The following RORA variants were observed in gnomAD, a reference collection of about 807,000 sequenced individuals.
RORA encodes RAR related orphan receptor A.
A neutral mutation model predicts 69.5 loss-of-function variants in RORA; 7 were observed. The observed-to-expected ratio is 0.10, with a 90% CI of 0.06 to 0.19. RORA has a LOEUF of 0.19. RORA is among the 10% of genes least tolerant of loss of function. RORA has a pLI of 1.00. For synonymous variants in RORA, 261 were observed against 240.8 expected (o/e 1.08, Z -0.78); for missense variants, 457 against 663.0 (o/e 0.69, Z 3.41).
intron 1 of RORA, chr15:60,682,524 A>G (rs1318222275): frequency 6.6e-6 from 1 of 152,384 alleles, no homozygotes; most frequent in Non-Finnish European, 1.5e-5. Flanking sequence ...GGTACCCGTA[A>G]TCCCAGCTAC....
Position 60,500,011 on chromosome 15 carries a change from A to T in RORA, c.1295-7T>A. The T allele has an allele frequency of 1.9e-6, 3 of 1,573,390 alleles. No individual in the cohort carries two copies. The highest frequency in any genetic ancestry group is 2.6e-6 in the Non-Finnish European group (3 of 1,147,000). On this transcript the variant is annotated splice_region_variant and splice_polypyrimidine_tract_variant and intron_variant, in intron 9 of 10. Transcript: ENST00000335670. ...TCTTGCAGCCATGAGCGATCTAAGC[A>T]TAAAAAAATGATATTCTTTAGCATT... is the stretch of plus-strand genomic sequence containing the variant.
At chr15:60,556,804 C>G (rs2067374612) in intron 2 of RORA, 1 of 1,404,034 alleles carries the variant, frequency 7.1e-7, no homozygotes, top group Non-Finnish European at 1.0e-6. Context: ...TCCTAAAAGC[C>G]TTCGTAAATG....
At chr15:60,601,104 C>G (rs2068799140) in intron 2 of RORA, 1 of 152,136 alleles carries the variant, frequency 6.6e-6, no homozygotes, top group African/African-American at 2.4e-5. Flanking sequence ...TGCTGCAACT[C>G]TCAAAAATTG....
intron 1 of RORA, among the ~76,000 whole-genome samples, chr15:60,727,626 T>A (rs528633482): frequency 6.6e-6 from 1 of 152,236 alleles, no homozygotes; most frequent in South Asian, 2.1e-4. Context: ...GCAAAGCAAC[T>A]GGGACCAGTG....
chr15:61,106,859 G>C (rs2078954672), intron 1 of RORA, among the ~76,000 whole-genome samples: 1 of 152,214 alleles, frequency 6.6e-6, no homozygotes, highest in Non-Finnish European at 1.5e-5. Context: ...CCTACGAGCA[G>C]TTCAAAGTAG....
intron 7 of RORA, 148 bp downstream of exon 7, chr15:60,503,387 A>G: frequency 1.4e-6 from 1 of 701,318 alleles, no homozygotes; most frequent in South Asian, 2.1e-5. Flanking sequence ...AAAACCTTTG[A>G]AAAGAACTCC....
At chr15:60,562,982 C>A (rs764342907) in intron 2 of RORA, among the ~76,000 whole-genome samples, 28 of 152,118 alleles carry the variant, frequency 1.8e-4, no homozygotes, top group Non-Finnish European at 1.6e-4. Flanking sequence ...TCCGAGTGTA[C>A]AAGGCAACTT....
At chr15:60,831,844 C>T (rs1429046075) in intron 1 of RORA, among the ~76,000 whole-genome samples, 3 of 152,192 alleles carry the variant, frequency 2.0e-5, no homozygotes, top group Non-Finnish European at 4.4e-5. Flanking sequence ...CTTTTAAAAA[C>T]AAGCGAGTAA....
intron 2 of RORA, among the ~76,000 whole-genome samples, chr15:60,657,359 C>T (rs1162564617): frequency 1.3e-5 from 2 of 152,166 alleles, no homozygotes; most frequent in South Asian, 2.1e-4. Context: ...GGGAAGCAGG[C>T]CCTCTCCATG....
At chr15:60,512,287 T>A (rs1231538729) in intron 4 of RORA, among the ~76,000 whole-genome samples, 3 of 152,058 alleles carry the variant, frequency 2.0e-5, no homozygotes, top group Non-Finnish European at 4.4e-5. Flanking sequence ...TTTTATTTAT[T>A]TAGTTAGTTA....
intron 1 of RORA, among the ~76,000 whole-genome samples, chr15:61,127,349 A>C (rs1351118848): frequency 6.6e-6 from 1 of 152,230 alleles, no homozygotes; most frequent in African/African-American, 2.4e-5. Context: ...TAAACAAATT[A>C]AACACAGCAT....
At chr15:60,855,558 G>A (rs2073370292) in intron 1 of RORA, among the ~76,000 whole-genome samples, 1 of 152,098 alleles carries the variant, frequency 6.6e-6, no homozygotes, top group Admixed American at 6.5e-5. Flanking sequence ...GATACCAGAG[G>A]GTGAATGTGT....
At chr15:60,706,716 C>T (rs751930558) in intron 1 of RORA, among the ~76,000 whole-genome samples, 2 of 152,116 alleles carry the variant, frequency 1.3e-5, no homozygotes, top group Non-Finnish European at 2.9e-5. Flanking sequence ...TTGATCAATA[C>T]CTGATGAACA....
rs140982704 is a variant in RORA at position 60,836,160 on chromosome 15, C to T, written c.167-157474G>A. The stretch of plus-strand genomic sequence containing the variant: ...CGAAAGTCTAGTCTATGTGGTGTAC[C>T]GTTAGTCAGCATGTGCTGGCGTAAA... On this transcript the variant is annotated intron_variant, in intron 1 of 10. Transcript: ENST00000335670. Among the ~76,000 whole-genome samples the T allele has an allele frequency of 1.6e-3, 242 of 152,254 alleles. 1 individual carries two copies. Among genetic ancestry groups the T allele is most frequent in the Middle Eastern group, 3.4e-3 (1 of 294 alleles).
rs145088734 is a variant in RORA at position 60,667,154 on chromosome 15, A to G, written c.196+11503T>C. On this transcript the variant is annotated intron_variant, in intron 2 of 10. Coordinates refer to ENST00000335670, the MANE Select transcript of RORA (RefSeq NM_134261.3). ...ACACAGTGAGTCTTGGTACCACTAG[A>G]CAAGACTGGGCTCTCTTCCCTAAAA... is the stretch of plus-strand genomic sequence containing the variant. Among the ~76,000 whole-genome samples, 38 of 152,304 alleles carry G rather than the reference A, an allele frequency of 2.5e-4. No homozygotes were observed. The East Asian group carries it at 6.6e-3, about 26-fold the overall frequency.
At chr15:60,625,278 TTTTTG>T (rs1350542596) in intron 2 of RORA, among the ~76,000 whole-genome samples, 1 of 152,196 alleles carries the variant, frequency 6.6e-6, no homozygotes, top group South Asian at 2.1e-4. Flanking sequence ...CAAATCTTTT[TTTTTG>T]TTTTGTTAAG....
intron 1 of RORA, among the ~76,000 whole-genome samples, chr15:60,855,689 C>T (rs1251365137): frequency 1.3e-5 from 2 of 152,194 alleles, no homozygotes; most frequent in Non-Finnish European, 2.9e-5. Context: ...GGTGCAATCT[C>T]AGCTCACTGC....
chr15:60,785,263 T>C (rs2072319311), intron 1 of RORA, among the ~76,000 whole-genome samples: 1 of 152,196 alleles, frequency 6.6e-6, no homozygotes, highest in Admixed American at 6.5e-5. Context: ...ACAGGCTTGA[T>C]CCATGCCCTC....
chr15:60,778,524 G>T (rs1332021689), intron 1 of RORA, among the ~76,000 whole-genome samples: 1 of 152,048 alleles, frequency 6.6e-6, no homozygotes, highest in Non-Finnish European at 1.5e-5. Context: ...GGATTAGCAG[G>T]GCTAGAAATT....
Sources: allele counts gnomAD v4.1 joint callset (sites outside exome capture counted in the v4.1 genomes callset), GRCh38; gene constraint gnomAD v4.1.1; transcripts MANE v1.5; gene names NCBI Gene and HGNC (gene_info 2026-07-23, HGNC 2026-07-21).